The following RNF43 variants were observed in gnomAD, a reference collection of about 807,000 sequenced individuals.
RNF43 encodes ring finger protein 43.
A neutral mutation model predicts 78.4 loss-of-function variants in RNF43; 37 were observed. That is an observed-to-expected ratio of 0.47 (90% confidence interval 0.36 to 0.62). The LOEUF (loss-of-function observed/expected upper bound fraction) is 0.62, where lower values mean the gene tolerates loss of function less well. RNF43 is among the 20% of genes least tolerant of loss of function. RNF43 has a pLI of 0.00. For synonymous variants in RNF43, 347 were observed against 395.0 expected, an observed-to-expected ratio of 0.88 and a Z score of 1.44; for missense variants, 774 against 1,007.9, an observed-to-expected ratio of 0.77 and a Z score of 3.14.
chr17:58,401,430 TTC>T (rs1317501395), intron 2 of RNF43, among the ~76,000 whole-genome samples: 34 of 152,324 alleles, frequency 2.2e-4, no homozygotes, highest in African/African-American at 7.7e-4. Context: ...AAATCAGATC[TTC>T]TGGCAACACT....
At chr17:58,384,269 T>C (rs1345936479) in intron 2 of RNF43, among the ~76,000 whole-genome samples, 2 of 152,232 alleles carry the variant, frequency 1.3e-5, no homozygotes, top group African/African-American at 4.8e-5. Context: ...CTGTTCGCAT[T>C]TGTCAGGAGA....
rs1974108508 is a variant in RNF43 at position 58,415,646 on chromosome 17, C to T, written c.-69G>A. 1.3e-6 allele frequency: 2 copies of T among 1,545,430 alleles called. No individual in the cohort carries two copies. The highest frequency in any genetic ancestry group is 1.1e-5 in the South Asian group (1 of 88,416). On this transcript the variant is annotated 5_prime_UTR_variant, in exon 2 of 10. Transcript: ENST00000407977. ...CACTAGCTAATACCAAATGCAGGTT[C>T]TCAGATCCAGACAAATGGAGGAAAA...
rs1424738065 is a variant in RNF43 at position 58,363,608 on chromosome 17, G to A, written c.376-8C>T. The A allele has an allele frequency of 6.2e-7, 1 of 1,609,660 alleles. No individual in the cohort carries two copies. The highest frequency in any genetic ancestry group is 2.2e-5 in the East Asian group (1 of 44,808). On this transcript the variant is annotated splice_polypyrimidine_tract_variant and splice_region_variant and intron_variant, in intron 3 of 9. Coordinates refer to ENST00000407977, the MANE Select transcript of RNF43 (RefSeq NM_017763.6). ...CTCACCCGCCATCCGAGCCTGCAGAGGCACACAGTAGAGGTTGGGCTGAGG... is the reference window on the plus strand; with the variant it reads ...CTCACCCGCCATCCGAGCCTGCAGAAGCACACAGTAGAGGTTGGGCTGAGG...
At chr17:58,356,484 G>T (rs1358047426) in intron 9 of RNF43, among the ~76,000 whole-genome samples, 3 of 152,142 alleles carry the variant, frequency 2.0e-5, no homozygotes, top group Non-Finnish European at 4.4e-5. Flanking sequence ...CCATGTTAAA[G>T]TTGAGAATTT....
rs766887725 is a variant in RNF43 at position 58,370,060 on chromosome 17, G to GGT, written c.375+850_375+851insAC. On this transcript the variant is annotated intron_variant, in intron 3 of 9. Coordinates refer to ENST00000407977, the MANE Select transcript of RNF43 (RefSeq NM_017763.6). ...TCTTCTAAAGAAGCTGAAAATCTGA[G>GGT]TTTTTTTTTTTTTTTTTTTTTTTTT... Among the ~76,000 whole-genome samples, 659 of 96,270 alleles carry GGT rather than the reference G, an allele frequency of 6.8e-3. 13 individuals carry two copies. Among genetic ancestry groups the GGT allele is most frequent in the African/African-American group, 0.029 (643 of 22,498 alleles). The allele number at this position is 96,270 out of a possible 152,430, so 63.2% of individuals were successfully genotyped here.
At chr17:58,378,021 T>C (rs1166666968) in intron 2 of RNF43, among the ~76,000 whole-genome samples, 1 of 152,114 alleles carries the variant, frequency 6.6e-6, no homozygotes, top group African/African-American at 2.4e-5. Flanking sequence ...GGCACCAGAA[T>C]AGGCCCACCA....
At chr17:58,380,313 T>C (rs1973286806) in intron 2 of RNF43, among the ~76,000 whole-genome samples, 1 of 152,190 alleles carries the variant, frequency 6.6e-6, no homozygotes, top group Admixed American at 6.5e-5. Flanking sequence ...ATGGCAAGTA[T>C]TGCTAGGGGT....
intron 2 of RNF43, among the ~76,000 whole-genome samples, chr17:58,396,824 C>T (rs892017076): frequency 6.6e-6 from 1 of 151,952 alleles, no homozygotes; most frequent in Non-Finnish European, 1.5e-5. Flanking sequence ...CATTTTTTAT[C>T]CTTTATATAT....
rs759290047 is a variant in RNF43, at chr17:58,358,565, C to T, written c.1211G>A (p.Arg404His). The T allele has an allele frequency of 1.9e-5, 31 of 1,605,234 alleles. No homozygotes were observed. In the South Asian group the frequency reaches 2.5e-4, roughly 13 times the overall value. The change falls in exon 9 of 10, where the codon CGC becomes CAC. Residue 404 changes from arginine to histidine, a missense_variant. Physicochemically the swap from Arg to His is conservative, Grantham distance 29. Transcript: ENST00000407977. This position sits in a 1 kb window ranked among gnomAD's most constrained non-coding sequence, Gnocchi z 6.2. ...AHPRAPGEQQ[R>H]LAGAQHPYAQ... is the part of the protein sequence containing the mutation. ...ATAGGGGTGCTGGGCTCCTGCCAGG[C>T]GCTGCTGCTCTCCTGGAGCCCGGGG...
intron 6 of RNF43, among the ~76,000 whole-genome samples, chr17:58,361,714 C>G (rs887685573): frequency 6.6e-6 from 1 of 152,202 alleles, no homozygotes; most frequent in African/African-American, 2.4e-5. Context: ...ACCAGCTACT[C>G]TGCCGTCTCA....
rs2143383896 is a variant in RNF43 at position 58,357,489 on chromosome 17, G to A, written c.2287C>T (p.Gln763Ter). The A allele has an allele frequency of 3.1e-6, 5 of 1,614,216 alleles. No individual in the cohort carries two copies. The South Asian group carries it at 3.3e-5, about 11-fold the overall frequency. ...TCACCAGGCTGGGCCGACAGCACCT[G>A]GCAGTGCGGATAAGGGCATGGCCTG... The part of the protein sequence containing the change: ...EGRPCPYPHC[Q>*]VLSAQPGSEE... The change falls in exon 9 of 10, where the codon CAG (glutamine) becomes TAG (stop). Residue 763 changes from glutamine (Q) to a stop codon, truncating the protein, a stop_gained. Transcript: ENST00000407977. LOFTEE classifies it high-confidence loss of function. This position sits in a 1 kb window ranked among gnomAD's most constrained non-coding sequence, Gnocchi z 4.5.
At chr17:58,370,067 T>TTG (rs1252820228) in intron 3 of RNF43, among the ~76,000 whole-genome samples, 5 of 99,154 alleles carry the variant, frequency 5.0e-5, no homozygotes, top group African/African-American at 1.6e-4. Context: ...TGAGTTTTTT[T>TTG]TTTTTTTTTT....
chr17:58,408,457 C>T (rs189815890), intron 2 of RNF43, among the ~76,000 whole-genome samples: 2 of 152,152 alleles, frequency 1.3e-5, no homozygotes, highest in Admixed American at 1.3e-4. Flanking sequence ...TTTGGATGCA[C>T]GCTAATATCC....
intron 2 of RNF43, among the ~76,000 whole-genome samples, chr17:58,410,121 G>A (rs1366407642): frequency 1.3e-5 from 2 of 151,396 alleles, no homozygotes; most frequent in Non-Finnish European, 1.5e-5. Context: ...AGATATGTAC[G>A]AAGCTGAACT....
chr17:58,360,034 T>C lies in RNF43; in HGVS notation c.952+115A>G, dbSNP rs1972797220. 3.9e-6 allele frequency: 3 copies of C among 759,722 alleles called. No individual in the cohort carries two copies. Among genetic ancestry groups the C allele is most frequent in the Non-Finnish European group, 7.1e-6 (3 of 424,996 alleles). 47.1% of individuals were successfully genotyped at this position (759,722 alleles called of 1,614,324 possible). A position where few individuals can be genotyped will look rare whatever the true frequency, so the allele number is the denominator to read the frequency against. On this transcript the variant is annotated intron_variant, in intron 8 of 9. Coordinates refer to ENST00000407977, the MANE Select transcript of RNF43 (RefSeq NM_017763.6). This position sits in a 1 kb window ranked among gnomAD's most constrained non-coding sequence, Gnocchi z 4.3. ...TGGAGCAGTGTACAGCCCATACAACTATGGTGGCAGTTCTGCTTTCTCCCC... is the reference window on the plus strand; with the variant it reads ...TGGAGCAGTGTACAGCCCATACAACCATGGTGGCAGTTCTGCTTTCTCCCC...
chr17:58,359,600 A>G (rs1423207723), intron 8 of RNF43, among the ~76,000 whole-genome samples: 3 of 145,410 alleles, frequency 2.1e-5, no homozygotes, highest in Non-Finnish European at 4.5e-5. Flanking sequence ...CGAGACTCCA[A>G]CTCAAAAAAT....
At chr17:58,376,705 AC>A (rs1345511014) in intron 2 of RNF43, among the ~76,000 whole-genome samples, 1 of 152,158 alleles carries the variant, frequency 6.6e-6, no homozygotes, top group African/African-American at 2.4e-5. Flanking sequence ...GAAGATGCAA[AC>A]ACGATTTCTA....
chr17:58,415,622 ACTAG>A lies in RNF43; in HGVS notation c.-49_-46del, dbSNP rs1447245100. ...CACTTCAACCATACATACTGCTTCC[ACTAG>A]CTAATACCAAATGCAGGTTCTCAGA... is the stretch of plus-strand genomic sequence containing the variant. On this transcript the variant is annotated 5_prime_UTR_variant, in exon 2 of 10. Coordinates refer to ENST00000407977, the MANE Select transcript of RNF43 (RefSeq NM_017763.6). The A allele has an allele frequency of 6.3e-7, 1 of 1,586,652 alleles. No individual in the cohort carries two copies. Among genetic ancestry groups the A allele is most frequent in the South Asian group, 1.1e-5 (1 of 90,522 alleles).
intron 2 of RNF43, among the ~76,000 whole-genome samples, chr17:58,391,907 G>C (rs547565279): frequency 6.6e-6 from 1 of 152,300 alleles, no homozygotes; most frequent in African/African-American, 2.4e-5. Flanking sequence ...GGTCAGTACT[G>C]GGGCCAGGAG....
Sources: allele counts gnomAD v4.1 joint callset (sites outside exome capture counted in the v4.1 genomes callset), GRCh38; gene constraint gnomAD v4.1.1; non-coding constraint Gnocchi (gnomAD v3.1); transcripts MANE v1.5; gene names NCBI Gene and HGNC (gene_info 2026-07-23, HGNC 2026-07-21).